ADGRL4: variants seen among roughly 807,000 people sequenced by gnomAD.
The protein encoded by ADGRL4 is EGF, latrophilin and seven transmembrane domain containing 1.
Under a neutral mutation model 74.8 loss-of-function variants are expected in ADGRL4, and 90 were observed. The ratio of observed to expected loss-of-function variants is 1.20; its 90% confidence interval spans 1.02 to 1.43. The LOEUF (loss-of-function observed/expected upper bound fraction) is 1.43. ADGRL4 is among the 40% of genes most tolerant of loss of function. The pLI, the probability that ADGRL4 is intolerant of heterozygous loss-of-function variation, is 0.00. For missense variants in ADGRL4, 881 were observed against 814.3 expected, an observed-to-expected ratio of 1.08 and a Z score of -1.00; for synonymous variants, 311 against 279.2, an observed-to-expected ratio of 1.11 and a Z score of -1.14.
In ADGRL4 at chr1:78,960,737, T is replaced by A. The variant is rs528757739; in HGVS notation, c.173-14311A>T. On this transcript the variant is annotated intron_variant, in intron 2 of 14. Transcript: ENST00000370742. Reference sequence around the variant, plus strand: ...AACTTTTCCAGGTGAATGGAATTAGTGCCCTTACAAAAGAGGCTCCAGAGA... The same window carrying A: ...AACTTTTCCAGGTGAATGGAATTAGAGCCCTTACAAAAGAGGCTCCAGAGA... 3.3e-5 allele frequency among the ~76,000 whole-genome samples: 5 copies of A among 152,258 alleles called. No homozygotes were observed. The East Asian group carries it at 9.7e-4, about 29-fold the overall frequency.
intron 2 of ADGRL4, among the ~76,000 whole-genome samples, chr1:78,961,491 C>T (rs914918581): frequency 2.0e-5 from 3 of 152,082 alleles, no homozygotes; most frequent in Non-Finnish European, 4.4e-5. Flanking sequence ...CCTAATGGGT[C>T]ATGAAAGACA....
At chr1:78,989,657 G>A (rs1290702130) in intron 2 of ADGRL4, among the ~76,000 whole-genome samples, 2 of 151,780 alleles carry the variant, frequency 1.3e-5, no homozygotes, top group Non-Finnish European at 2.9e-5. Context: ...CCTAGCATCA[G>A]AATCTTGCAG....
At chr1:79,002,751 A>T (rs896213190) in intron 2 of ADGRL4, among the ~76,000 whole-genome samples, 1 of 152,102 alleles carries the variant, frequency 6.6e-6, no homozygotes, top group African/African-American at 2.4e-5. Context: ...TTCTGGACTC[A>T]GAGGAGAGTA....
intron 2 of ADGRL4, among the ~76,000 whole-genome samples, chr1:78,946,686 ATATCTT>A (rs1381142377): frequency 6.6e-6 from 1 of 152,192 alleles, no homozygotes; most frequent in East Asian, 1.9e-4. Flanking sequence ...CTATATGGCA[ATATCTT>A]TCAAATTTTT....
intron 12 of ADGRL4, among the ~76,000 whole-genome samples, chr1:78,901,270 A>G (rs958537950): frequency 6.6e-6 from 1 of 152,144 alleles, no homozygotes; most frequent in Non-Finnish European, 1.5e-5. Context: ...TCTTTTTATA[A>G]TCTGAGGACA....
intron 2 of ADGRL4, 100 bp from the exon 3 acceptor site, chr1:78,946,526 A>G (rs1386837922): frequency 1.0e-6 from 1 of 982,644 alleles, no homozygotes; most frequent in Admixed American, 2.7e-5. Flanking sequence ...AGATAGTTTA[A>G]GGTATGTGAT....
chr1:78,906,790 C>G lies in ADGRL4; in HGVS notation c.1749+10844G>C, dbSNP rs550828679. ...TTTATATAAGTTGCTCGCTGAGAAG[C>G]TAAAATAGAACTTTCGCAATTAAAT... On this transcript the variant is annotated intron_variant, in intron 12 of 14. Coordinates refer to ENST00000370742, the MANE Select transcript of ADGRL4 (RefSeq NM_022159.4). Among the ~76,000 whole-genome samples the G allele has an allele frequency of 1.3e-4, 19 of 151,834 alleles. No individual in the cohort carries two copies. In the East Asian group the frequency reaches 1.5e-3, roughly 12 times the overall value.
intron 12 of ADGRL4, among the ~76,000 whole-genome samples, chr1:78,909,182 TTG>T: frequency 6.6e-6 from 1 of 152,110 alleles, no homozygotes; most frequent in East Asian, 1.9e-4. Context: ...AATTAAAATG[TTG>T]ATGCCATTAT....
At chr1:78,940,436 T>C (rs535945027) in intron 3 of ADGRL4, among the ~76,000 whole-genome samples, 6 of 152,154 alleles carry the variant, frequency 3.9e-5, no homozygotes, top group Non-Finnish European at 8.8e-5. Context: ...GTATTGAGGC[T>C]GTAATAAAGG....
chr1:79,001,917 T>C (rs925735842), intron 2 of ADGRL4, among the ~76,000 whole-genome samples: 1 of 152,152 alleles, frequency 6.6e-6, no homozygotes, highest in African/African-American at 2.4e-5. Flanking sequence ...CTTTTAATTA[T>C]TGTTTTTCTG....
At position 78,946,348 on chromosome 1, in the gene ADGRL4, C is replaced by T; in HGVS notation, c.251G>A (p.Cys84Tyr). The T allele has an allele frequency of 6.2e-7, 1 of 1,613,340 alleles. No homozygotes were observed. The highest frequency in any genetic ancestry group is 8.5e-7 in the Non-Finnish European group (1 of 1,179,576). Residue 84 changes from cysteine to tyrosine, a missense_variant, in exon 3 of 15, where the codon TGT (cysteine) becomes TAT (tyrosine). Coordinates refer to ENST00000370742, the MANE Select transcript of ADGRL4 (RefSeq NM_022159.4). Reference sequence around the variant, plus strand: ...GGATCTGAAGCCAGGTACACACATACAATAATAACTTCCTTCTGTGTTAGT... The same window carrying T: ...GGATCTGAAGCCAGGTACACACATATAATAATAACTTCCTTCTGTGTTAGT... ...NCTNTEGSYY[C>Y]MCVPGFRSSS...
At chr1:78,979,149 G>T (rs1440714194) in intron 2 of ADGRL4, among the ~76,000 whole-genome samples, 1 of 151,866 alleles carries the variant, frequency 6.6e-6, no homozygotes, top group African/African-American at 2.4e-5. Context: ...TGGAAATGGT[G>T]AACCTAACCT....
At chr1:78,938,982 G>A (rs1052491837) in intron 4 of ADGRL4, among the ~76,000 whole-genome samples, 1 of 152,036 alleles carries the variant, frequency 6.6e-6, no homozygotes, top group African/African-American at 2.4e-5. Flanking sequence ...TATGAAATAT[G>A]TAAAAGGCCT....
chr1:78,911,888 C>A (rs1195727877), intron 12 of ADGRL4, among the ~76,000 whole-genome samples: 1 of 151,812 alleles, frequency 6.6e-6, no homozygotes, highest in Non-Finnish European at 1.5e-5. Context: ...ATATTAGGAA[C>A]CCAAGGCTAG....
intron 12 of ADGRL4, among the ~76,000 whole-genome samples, chr1:78,897,542 A>T (rs1010023990): frequency 3.3e-5 from 5 of 152,096 alleles, no homozygotes; most frequent in Admixed American, 6.6e-5. Context: ...GAGTTGGGCC[A>T]ATCTGCCTCT....
intron 2 of ADGRL4, among the ~76,000 whole-genome samples, chr1:78,988,119 G>A (rs976305441): frequency 6.6e-6 from 1 of 151,358 alleles, no homozygotes; most frequent in Non-Finnish European, 1.5e-5. Flanking sequence ...CTGTTTTCTT[G>A]GCAAATTACA....
At chr1:78,891,470 G>A (rs1557487446) in intron 14 of ADGRL4, 54 bp downstream of exon 14, 1 of 1,524,726 alleles carries the variant, frequency 6.6e-7, no homozygotes, top group East Asian at 2.3e-5. Flanking sequence ...TATCAATTTG[G>A]CAACTGATGT....
At position 78,937,863 on chromosome 1, in the gene ADGRL4, C is replaced by T. The variant is rs761291649; in HGVS notation, c.704G>A (p.Arg235Lys). Reference protein sequence around the residue: ...LMHTVEQATLRISQSFQKTTE... With the variant: ...LMHTVEQATLKISQSFQKTTE... ...GGTCTTTTGGAAGCTCTGGGATATC[C>T]TTAAAGTAGCTTGTTCAACAGTGTG... is the stretch of plus-strand genomic sequence containing the variant. Residue 235 changes from arginine to lysine, a missense_variant, in exon 6 of 15, where the codon AGG (arginine) becomes AAG (lysine). Transcript: ENST00000370742. The T allele has an allele frequency of 2.7e-5, 43 of 1,613,764 alleles. No individual in the cohort carries two copies. Among genetic ancestry groups the T allele is most frequent in the Non-Finnish European group, 3.5e-5 (41 of 1,179,914 alleles).
chr1:78,997,865 G>A (rs1302172583), intron 2 of ADGRL4, among the ~76,000 whole-genome samples: 1 of 152,108 alleles, frequency 6.6e-6, no homozygotes, highest in Non-Finnish European at 1.5e-5. Flanking sequence ...AAACGCAGGT[G>A]GGTACAGTAA....
Sources: allele counts gnomAD v4.1 joint callset (sites outside exome capture counted in the v4.1 genomes callset), GRCh38; gene constraint gnomAD v4.1.1; transcripts MANE v1.5; gene names NCBI Gene and HGNC (gene_info 2026-07-23, HGNC 2026-07-21).